The following ANAPC2 variants were observed in gnomAD, a reference collection of about 807,000 sequenced individuals.
The protein encoded by ANAPC2 is anaphase-promoting complex subunit 2.
In ANAPC2, 29 loss-of-function variants were observed where a neutral mutation model predicts 84.3. That is an observed-to-expected ratio of 0.34 (90% CI 0.26 to 0.47). The LOEUF is 0.47. ANAPC2 is among the 20% of genes least tolerant of loss of function. The pLI is 1.00. For missense variants in ANAPC2, 857 were observed against 1,131.7 expected, an observed-to-expected ratio of 0.76 and a Z score of 3.48; for synonymous variants, 571 against 479.4, an observed-to-expected ratio of 1.19 and a Z score of -2.50.
At position 137,184,929 on chromosome 9, in the gene ANAPC2, G is replaced by C. The variant is rs1834428328; in HGVS notation, c.1032C>G (p.Leu344=). The part of the protein sequence containing the change: ...RIYASLRIEE[L]FSIVRDFPDS... ...CAGGACCACCTCGGACGATGCTGAA[G>C]AGCTCCTCGATGCGCAGGCTGGCGT... The change falls in exon 4 of 13, where the codon CTC becomes CTG. Residue 344 remains leucine (L), a synonymous_variant. Coordinates refer to ENST00000323927, the MANE Select transcript of ANAPC2 (RefSeq NM_013366.4). 6.2e-7 allele frequency: 1 copy of C among 1,612,688 alleles called. No individual in the cohort carries two copies. Among genetic ancestry groups the C allele is most frequent in the Non-Finnish European group, 8.5e-7 (1 of 1,179,730 alleles).
intron 3 of ANAPC2, 31 bp downstream of exon 3, chr9:137,186,193 G>T (rs1411835253): frequency 3.7e-6 from 6 of 1,607,042 alleles, no homozygotes; most frequent in Non-Finnish European, 4.3e-6. Context: ...CCTGTCTCCA[G>T]CGGGGCACAG....
In ANAPC2 at chr9:137,187,635, C is replaced by G. The variant is rs1281871233; in HGVS notation, c.586G>C (p.Asp196His). The G allele has an allele frequency of 6.2e-7, 1 of 1,614,128 alleles. No individual in the cohort carries two copies. Among genetic ancestry groups the G allele is most frequent in the South Asian group, 1.1e-5 (1 of 91,090 alleles). The change falls in exon 2 of 13, where the codon GAC (aspartate) becomes CAC (histidine). Residue 196 changes from aspartate to histidine, a missense_variant. Asp to His is a moderately conservative substitution (Grantham distance 81). Around this residue, in one of 3 missense-constraint regions of ANAPC2, gnomAD observed 428 missense variants for 513.8 expected, o/e 0.83. Transcript: ENST00000323927. Reference sequence around the variant, plus strand: ...TCCAGCTCCCCTTCCAGTTCCGGGTCTGTGCCCCCTTCCCCCTTCCTCTTA... The same window carrying G: ...TCCAGCTCCCCTTCCAGTTCCGGGTGTGTGCCCCCTTCCCCCTTCCTCTTA... ...QSKRKGEGGT[D>H]PELEGELDSR...
chr9:137,183,383 C>A, intron 5 of ANAPC2, 141 bp from the exon 6 acceptor site: 1 of 807,512 alleles, frequency 1.2e-6, no homozygotes, highest in Non-Finnish European at 2.0e-6. Flanking sequence ...TCCCCCCATC[C>A]CCACCTCTAC....
intron 6 of ANAPC2, among the ~76,000 whole-genome samples, chr9:137,182,205 AAAAAAG>A (rs916581322): frequency 1.4e-4 from 22 of 152,076 alleles, no homozygotes; most frequent in Non-Finnish European, 2.2e-4. Flanking sequence ...CCTGCCTCAA[AAAAAAG>A]AAAAAGAAAA....
chr9:137,183,882 C>A, intron 4 of ANAPC2, 91 bp from the exon 5 acceptor site: 3 of 1,533,948 alleles, frequency 2.0e-6, no homozygotes, highest in Non-Finnish European at 2.7e-6. Context: ...GGAAAGGACA[C>A]GTGCTTGCCA....
intron 2 of ANAPC2, 22 bp from the exon 3 acceptor site, chr9:137,186,378 G>A (rs909498410): frequency 6.3e-7 from 1 of 1,580,308 alleles, no homozygotes; most frequent in Non-Finnish European, 8.6e-7. Context: ...CCCTGGCCAT[G>A]GGGCACCCAG....
In ANAPC2 at chr9:137,187,532, T is replaced by C. The variant is rs1405040838; in HGVS notation, c.689A>G (p.Gln230Arg). The change falls in exon 2 of 13, where the codon CAG becomes CGG. Residue 230 changes from glutamine to arginine, a missense_variant. Transcript: ENST00000323927. ...LCAGCSSDKQ[Q>R]CWCRQALEQF... ...CTCCAGAGCCTGGCGACACCAGCAC[T>C]GTTGCTTGTCACTGCTGCACCCTGC... is the stretch of plus-strand genomic sequence containing the variant. The C allele has an allele frequency of 1.2e-6, 2 of 1,613,356 alleles. No homozygotes were observed. Among genetic ancestry groups the C allele is most frequent in the African/African-American group, 2.7e-5 (2 of 74,936 alleles).
At chr9:137,183,649 G>T in intron 5 of ANAPC2, 23 bp downstream of exon 5, 1 of 1,603,664 alleles carries the variant, frequency 6.2e-7, no homozygotes, top group Non-Finnish European at 8.5e-7. Flanking sequence ...CAGAGTGCTG[G>T]GTGGCCGGGC....
At position 137,187,591 on chromosome 9, in the gene ANAPC2, G is replaced by A; in HGVS notation, c.630C>T (p.Arg210=). 6.2e-7 allele frequency: 1 copy of A among 1,614,000 alleles called. No homozygotes were observed. Among genetic ancestry groups the A allele is most frequent in the African/African-American group, 1.3e-5 (1 of 75,070 alleles). The change falls in exon 2 of 13, where the codon CGC becomes CGT. Residue 210 remains arginine, a synonymous_variant. Coordinates refer to ENST00000323927, the MANE Select transcript of ANAPC2 (RefSeq NM_013366.4). The stretch of plus-strand genomic sequence containing the variant: ...GGCTCTGCAGGAGCCGGTAGTACCG[G>A]CGACGGGCATACCGGCTGTCCAGCT... The part of the protein sequence containing the change: ...EGELDSRYAR[R]RYYRLLQSPL...
chr9:137,175,671 T>C (rs1352533719), intron 11 of ANAPC2, 37 bp downstream of exon 11: 4 of 1,592,612 alleles, frequency 2.5e-6, no homozygotes, highest in South Asian at 1.1e-5. Context: ...CTGGGCCGTG[T>C]GGCCGGGGCA....
At chr9:137,179,036 C>T (rs560551961) in intron 10 of ANAPC2, among the ~76,000 whole-genome samples, 7 of 152,358 alleles carry the variant, frequency 4.6e-5, no homozygotes, top group African/African-American at 1.7e-4. Flanking sequence ...CACAGCAGAC[C>T]TGGAGAAGCT....
chr9:137,184,773 C>G, intron 4 of ANAPC2, 140 bp downstream of exon 4: 4 of 1,134,134 alleles, frequency 3.5e-6, no homozygotes, highest in Non-Finnish European at 4.9e-6. Flanking sequence ...GGCAAAGGCC[C>G]TGGGAGCCCC....
intron 1 of ANAPC2, 148 bp from the exon 2 acceptor site, chr9:137,188,251 T>A (rs1834523013): frequency 7.5e-7 from 1 of 1,328,066 alleles, no homozygotes; most frequent in South Asian, 1.4e-5. Context: ...ATGGAAGGGC[T>A]GTCAGCGGAG....
In ANAPC2 at chr9:137,183,127, C is replaced by T. The variant is rs1399094349; in HGVS notation, c.1284G>A (p.Leu428=). The T allele has an allele frequency of 6.2e-7, 1 of 1,611,730 alleles. No homozygotes were observed. Among genetic ancestry groups the T allele is most frequent in the Non-Finnish European group, 8.5e-7 (1 of 1,178,988 alleles). The change falls in exon 6 of 13, where the codon CTG becomes CTA. Residue 428 remains leucine (L), a splice_region_variant and synonymous_variant. Coordinates refer to ENST00000323927, the MANE Select transcript of ANAPC2 (RefSeq NM_013366.4). ...CCTGGGCCAGCTGCAGCCCTCACCT[C>T]AGGTAGCGGCGGATAGGCTCACAGG... The part of the protein sequence containing the change: ...EVACEPIRRY[L]RTREDTVRQI...
rs748298095 is a variant in ANAPC2 at position 137,187,483 on chromosome 9, G to A, written c.738C>T (p.Val246=). The change falls in exon 2 of 13, where the codon GTC becomes GTT. Residue 246 remains valine (V), a splice_region_variant and synonymous_variant. Coordinates refer to ENST00000323927, the MANE Select transcript of ANAPC2 (RefSeq NM_013366.4). ...GGCCATCGGGACAGACTACTCACAA[G>A]ACCTGGCTGAGCTGATGGAACTGCT... ...ALEQFHQLSQ[V]LHRLSLLERV... 1 of 1,604,756 alleles carries A rather than the reference G, an allele frequency of 6.2e-7. No individual in the cohort carries two copies. The highest frequency in any genetic ancestry group is 8.5e-7 in the Non-Finnish European group (1 of 1,172,916).
chr9:137,183,005 GC>G, intron 6 of ANAPC2, 119 bp downstream of exon 6: 1 of 785,116 alleles, frequency 1.3e-6, no homozygotes, highest in South Asian at 1.6e-5. Flanking sequence ...ACTCAGCCCA[GC>G]CGGGGGAGAC....
chr9:137,175,184 A>G (rs1201465362), intron 12 of ANAPC2, 30 bp from the exon 13 acceptor site: 6 of 1,602,708 alleles, frequency 3.7e-6, no homozygotes, highest in Non-Finnish European at 5.1e-6. Context: ...CCCGTCAGGC[A>G]CCTGCAGGCC....
At position 137,177,129 on chromosome 9, in the gene ANAPC2, G is replaced by A. The variant is rs1357436186; in HGVS notation, c.1891-1292C>T. 3 of 152,230 alleles carry A rather than the reference G, an allele frequency of 2.0e-5. No homozygotes were observed. In the East Asian group the frequency reaches 5.8e-4, roughly 29 times the overall value. 9.4% of individuals were successfully genotyped at this position (152,230 alleles called of 1,614,324 possible). ...CCTGTCTGAAGGCTTCGGCACTGGT[G>A]AGCTGCATAAGCCAACAAGGTGTGA... On this transcript the variant is annotated intron_variant, in intron 10 of 12. Transcript: ENST00000323927.
Position 137,175,173 on chromosome 9 carries a change from C to T in ANAPC2, c.2257-19G>A, listed in dbSNP as rs1022216479. 10 of 1,603,130 alleles carry T rather than the reference C, an allele frequency of 6.2e-6. No individual in the cohort carries two copies. The highest frequency in any genetic ancestry group is 5.6e-5 in the South Asian group (5 of 89,948). ...AGAAGAGCTGCGGACACAGGCCAGC[C>T]CCCGTCAGGCACCTGCAGGCCTCGC... On this transcript the variant is annotated intron_variant, in intron 12 of 12. Coordinates refer to ENST00000323927, the MANE Select transcript of ANAPC2 (RefSeq NM_013366.4).
Sources: gnomAD v4.1 joint callset for allele counts (sites outside exome capture counted in the v4.1 genomes callset) on GRCh38, gnomAD v4.1.1 for gene constraint, gnomAD v4.1.1 regional missense constraint, MANE v1.5 for transcripts, NCBI Gene and HGNC (gene_info 2026-07-23, HGNC 2026-07-21) for gene names.